Variants in NRG3 observed in about 807,000 individuals in gnomAD.
NRG3 encodes the protein pro-neuregulin-3, membrane-bound isoform.
In NRG3, 31 loss-of-function variants were observed where a neutral mutation model predicts 66.9. That is an observed-to-expected ratio of 0.46 (90% CI 0.35 to 0.63). The LOEUF (loss-of-function observed/expected upper bound fraction) is 0.63. Ranked by LOEUF, NRG3 falls within the 20% of genes least tolerant of loss-of-function variation. The pLI, the probability that NRG3 is intolerant of heterozygous loss-of-function variation, is 0.00. For synonymous variants in NRG3, 393 were observed against 359.4 expected (o/e 1.09, Z -1.06); for missense variants, 910 against 878.9 (o/e 1.04, Z -0.45).
chr10:82,844,586 G>T lies in NRG3; in HGVS notation c.1028-20825G>T, dbSNP rs760497025. 5.9e-5 allele frequency among the ~76,000 whole-genome samples: 9 copies of T among 151,596 alleles called. No individual in the cohort carries two copies. The East Asian group carries it at 7.8e-4, about 13-fold the overall frequency. On this transcript the variant is annotated intron_variant, in intron 3 of 8. Transcript: ENST00000372141. ...TAAAAATGGAGAAACAATCTCTCGG[G>T]ATGCAAGTCTGTCTACAACTTAACA...
chr10:82,789,601 T>C (rs1034175411), intron 3 of NRG3, among the ~76,000 whole-genome samples: 1 of 152,080 alleles, frequency 6.6e-6, no homozygotes, highest in African/African-American at 2.4e-5. Context: ...CTCTTGTAGA[T>C]AGCATAAAGT....
At chr10:82,715,314 C>T (rs2056909488) in intron 2 of NRG3, among the ~76,000 whole-genome samples, 1 of 152,138 alleles carries the variant, frequency 6.6e-6, no homozygotes, top group African/African-American at 2.4e-5. Context: ...ACGTGAGTCC[C>T]TTGAACCCGG....
At chr10:82,650,262 C>A (rs772246945) in intron 2 of NRG3, among the ~76,000 whole-genome samples, 1 of 152,120 alleles carries the variant, frequency 6.6e-6, no homozygotes, top group Non-Finnish European at 1.5e-5. Flanking sequence ...GTAATTGTTA[C>A]AGCAACCTTA....
chr10:81,907,604 G>T (rs1408866071), intron 1 of NRG3, among the ~76,000 whole-genome samples: 1 of 152,274 alleles, frequency 6.6e-6, no homozygotes, highest in East Asian at 1.9e-4. Flanking sequence ...TATCCCTAAA[G>T]GAGCTGATGT....
chr10:82,019,247 T>C (rs1414884645), intron 1 of NRG3, among the ~76,000 whole-genome samples: 1 of 152,224 alleles, frequency 6.6e-6, no homozygotes, highest in Non-Finnish European at 1.5e-5. Flanking sequence ...TTTATTAATT[T>C]GTGTATGTTG....
At chr10:82,331,889 GA>G (rs1415909859) in intron 1 of NRG3, among the ~76,000 whole-genome samples, 1 of 152,216 alleles carries the variant, frequency 6.6e-6, no homozygotes, top group African/African-American at 2.4e-5. Context: ...CTGCAGATGG[GA>G]ACAAGCTGGA....
intron 1 of NRG3, among the ~76,000 whole-genome samples, chr10:81,952,722 G>C (rs1306784468): frequency 6.6e-6 from 1 of 152,058 alleles, no homozygotes; most frequent in Non-Finnish European, 1.5e-5. Flanking sequence ...TTCCACCTCA[G>C]CCTCCTGAGT....
At position 82,348,109 on chromosome 10, in the gene NRG3, TATG is replaced by T. The variant is rs533211417; in HGVS notation, c.824-10626_824-10624del. On this transcript the variant is annotated intron_variant, in intron 1 of 8. Coordinates refer to ENST00000372141, the MANE Select transcript of NRG3 (RefSeq NM_001010848.4). ...TTATGTGTGAATTTGATCCTGTCATTATGATGTTAGCTGGTTATTTTGCTCGTT... is the reference window on the plus strand; with the variant it reads ...TTATGTGTGAATTTGATCCTGTCATTATGTTAGCTGGTTATTTTGCTCGTT... Among the ~76,000 whole-genome samples the T allele has an allele frequency of 8.8e-3, 1,324 of 151,114 alleles. 16 individuals are homozygous for T. The highest frequency in any genetic ancestry group is 0.03 in the African/African-American group (1,249 of 41,072).
In NRG3 at chr10:82,695,635, T is replaced by G. The variant is rs548452675; in HGVS notation, c.954-42942T>G. ...GGTGTTTCTGTTTTCTCTCTATTCTTCATTTCCAAAATTTTCTCCTATTAT... is the reference window on the plus strand; with the variant it reads ...GGTGTTTCTGTTTTCTCTCTATTCTGCATTTCCAAAATTTTCTCCTATTAT... On this transcript the variant is annotated intron_variant, in intron 2 of 8. Transcript: ENST00000372141. Among the ~76,000 whole-genome samples the G allele has an allele frequency of 2.0e-5, 3 of 152,260 alleles. No homozygotes were observed. The East Asian group carries it at 5.8e-4, about 29-fold the overall frequency.
At chr10:82,270,001 G>C (rs1365120828) in intron 1 of NRG3, among the ~76,000 whole-genome samples, 1 of 152,116 alleles carries the variant, frequency 6.6e-6, no homozygotes, top group Non-Finnish European at 1.5e-5. Context: ...GACGATTAAA[G>C]TATCTACCTC....
At chr10:82,620,613 G>A (rs557963413) in intron 2 of NRG3, among the ~76,000 whole-genome samples, 1 of 152,256 alleles carries the variant, frequency 6.6e-6, no homozygotes, top group African/African-American at 2.4e-5. Flanking sequence ...GGCAGAACAG[G>A]CTGTAGATAG....
intron 2 of NRG3, among the ~76,000 whole-genome samples, chr10:82,502,177 G>T (rs889513275): frequency 6.6e-6 from 1 of 152,006 alleles, no homozygotes; most frequent in Non-Finnish European, 1.5e-5. Context: ...TTTTTTGTTT[G>T]TTTTTTTGTG....
At chr10:82,135,518 T>G (rs565833216) in intron 1 of NRG3, among the ~76,000 whole-genome samples, 1 of 152,110 alleles carries the variant, frequency 6.6e-6, no homozygotes, top group Non-Finnish European at 1.5e-5. Flanking sequence ...GTAGATGTGC[T>G]TCATTCTTTT....
intron 2 of NRG3, among the ~76,000 whole-genome samples, chr10:82,424,357 G>A (rs2089281270): frequency 6.6e-6 from 1 of 152,040 alleles, no homozygotes; most frequent in Non-Finnish European, 1.5e-5. Flanking sequence ...TGGATGTGAA[G>A]TGGCACCTCA....
intron 3 of NRG3, among the ~76,000 whole-genome samples, chr10:82,776,598 T>A (rs1341588067): frequency 1.3e-5 from 2 of 152,100 alleles, no homozygotes; most frequent in African/African-American, 2.4e-5. Context: ...ATAAGTCCCA[T>A]AGACTTTCTT....
chr10:82,624,903 ATATATATATATATTT>A (rs1300669794), intron 2 of NRG3, among the ~76,000 whole-genome samples: 2 of 126,150 alleles, frequency 1.6e-5, no homozygotes, highest in Non-Finnish European at 3.5e-5. Flanking sequence ...ATAAATATAA[ATATATATATATATTT>A]TATATATATA....
intron 2 of NRG3, among the ~76,000 whole-genome samples, chr10:82,601,831 A>T (rs1246534563): frequency 6.7e-6 from 1 of 149,024 alleles, no homozygotes; most frequent in African/African-American, 2.5e-5. Flanking sequence ...GCAACACAGT[A>T]AGACAACCAT....
rs528182783 is a variant in NRG3 at position 82,269,347 on chromosome 10, T to C, written c.824-89392T>C. The stretch of plus-strand genomic sequence containing the variant: ...ATGCTTTCTTTTCCTTTCTCATAAG[T>C]GGAAACAGTCATAATGTTCTGCTGT... On this transcript the variant is annotated intron_variant, in intron 1 of 8. Transcript: ENST00000372141. Among the ~76,000 whole-genome samples the C allele has an allele frequency of 3.9e-5, 6 of 152,316 alleles. No individual in the cohort carries two copies. The South Asian group carries it at 1.2e-3, about 32-fold the overall frequency.
intron 2 of NRG3, among the ~76,000 whole-genome samples, chr10:82,654,243 A>AT (rs1405878695): frequency 1.3e-5 from 2 of 152,158 alleles, no homozygotes; most frequent in Non-Finnish European, 2.9e-5. Flanking sequence ...ATTCTCAAGA[A>AT]TTTTATCTCT....
Sources: allele counts gnomAD v4.1 joint callset (sites outside exome capture counted in the v4.1 genomes callset), GRCh38; gene constraint gnomAD v4.1.1; transcripts MANE v1.5; gene names NCBI Gene and HGNC (gene_info 2026-07-23, HGNC 2026-07-21).